SUGCT: variants seen among roughly 807,000 people sequenced by gnomAD.
SUGCT encodes the protein succinyl-CoA:glutarate CoA-transferase.
Under a neutral mutation model 55.0 loss-of-function variants are expected in SUGCT, and 41 were observed. The observed-to-expected ratio is 0.74, with a 90% CI of 0.58 to 0.97. The LOEUF is 0.97. Ranked by LOEUF, SUGCT falls within the 50% of genes least tolerant of loss-of-function variation. The pLI is 0.00. For missense variants in SUGCT, 568 were observed against 547.8 expected (o/e 1.04, Z -0.37); for synonymous variants, 187 against 200.4 (o/e 0.93, Z 0.56).
intron 12 of SUGCT, among the ~76,000 whole-genome samples, chr7:40,569,160 A>G (rs919220657): frequency 6.6e-6 from 1 of 152,180 alleles, no homozygotes; most frequent in Non-Finnish European, 1.5e-5. Context: ...TGCTTGAAAT[A>G]TGAATTAAGG....
chr7:40,843,020 G>A (rs1289775253), intron 13 of SUGCT, among the ~76,000 whole-genome samples: 1 of 152,176 alleles, frequency 6.6e-6, no homozygotes, highest in Non-Finnish European at 1.5e-5. Context: ...TGAATTCAAA[G>A]CTTGGTTAAA....
chr7:40,890,359 A>T, the SUGCT span, among the ~76,000 whole-genome samples: 3 of 144,760 alleles, frequency 2.1e-5, no homozygotes, highest in African/African-American at 7.5e-5. Context: ...ATATATTTAT[A>T]ATAATATAAA....
intron 9 of SUGCT, among the ~76,000 whole-genome samples, chr7:40,416,433 T>C (rs1259207695): frequency 6.6e-6 from 1 of 151,796 alleles, no homozygotes; most frequent in Non-Finnish European, 1.5e-5. Context: ...TATATATAAA[T>C]ACTATATTTA....
At chr7:40,498,953 T>C (rs2151524522) in intron 12 of SUGCT, 1 of 411,846 alleles carries the variant, frequency 2.4e-6, no homozygotes, top group South Asian at 1.8e-5. Flanking sequence ...TTTCTGATGA[T>C]TGAAAATCCT....
intron 12 of SUGCT, among the ~76,000 whole-genome samples, chr7:40,635,122 C>A (rs1256313189): frequency 6.6e-6 from 1 of 151,892 alleles, no homozygotes; most frequent in Non-Finnish European, 1.5e-5. Flanking sequence ...CCTGTCCCTA[C>A]TAAAAATACA....
At chr7:40,749,960 T>C (rs1355388113) in intron 13 of SUGCT, among the ~76,000 whole-genome samples, 1 of 150,950 alleles carries the variant, frequency 6.6e-6, no homozygotes, top group East Asian at 2.0e-4. Context: ...GGATCTTGGC[T>C]TTACAGAACA....
intron 7 of SUGCT, among the ~76,000 whole-genome samples, chr7:40,271,889 A>C (rs1002209078): frequency 5.3e-5 from 8 of 151,440 alleles, no homozygotes; most frequent in Non-Finnish European, 5.9e-5. Context: ...TCTTCATGAG[A>C]TCTACTTTGT....
At chr7:40,157,999 G>A (rs1584212623) in intron 1 of SUGCT, among the ~76,000 whole-genome samples, 2 of 151,904 alleles carry the variant, frequency 1.3e-5, no homozygotes, top group Non-Finnish European at 2.9e-5. Context: ...ACGAGGTCAA[G>A]AGTTCAAGAC....
chr7:40,938,090 T>G, the SUGCT span, among the ~76,000 whole-genome samples: 1 of 152,254 alleles, frequency 6.6e-6, no homozygotes, highest in Non-Finnish European at 1.5e-5. Flanking sequence ...CACCTCCTGC[T>G]GTGCAGCCAG....
chr7:40,948,704 G>A, the SUGCT span, among the ~76,000 whole-genome samples: 1 of 151,570 alleles, frequency 6.6e-6, no homozygotes, highest in Non-Finnish European at 1.5e-5. Context: ...AACATGCCGT[G>A]TTTGGTTTTC....
the SUGCT span, among the ~76,000 whole-genome samples, chr7:40,875,109 G>A: frequency 1.6e-3 from 249 of 152,226 alleles, 1 homozygote; most frequent in Admixed American, 4.1e-3. Flanking sequence ...CCTTTACTGC[G>A]CACATGTTTT....
intron 9 of SUGCT, among the ~76,000 whole-genome samples, chr7:40,421,161 C>G (rs1263005179): frequency 6.6e-6 from 1 of 152,168 alleles, no homozygotes; most frequent in Non-Finnish European, 1.5e-5. Context: ...ACTGTGACGG[C>G]TGCTTCTTAA....
intron 13 of SUGCT, among the ~76,000 whole-genome samples, chr7:40,854,744 C>G (rs1012873772): frequency 6.6e-6 from 1 of 151,820 alleles, no homozygotes; most frequent in African/African-American, 2.4e-5. Context: ...TGAGACCAGC[C>G]TGGGCAACAT....
chr7:40,248,265 C>A (rs1790048846), intron 7 of SUGCT, among the ~76,000 whole-genome samples: 1 of 152,100 alleles, frequency 6.6e-6, no homozygotes, highest in African/African-American at 2.4e-5. Context: ...CCCATCTGAG[C>A]CTCCCAAAGT....
chr7:40,766,735 A>G (rs1220317284), intron 13 of SUGCT, among the ~76,000 whole-genome samples: 1 of 152,198 alleles, frequency 6.6e-6, no homozygotes, highest in African/African-American at 2.4e-5. Flanking sequence ...CATATTTTTC[A>G]TATAAGCAAT....
chr7:40,581,887 A>G (rs142742284), intron 12 of SUGCT, among the ~76,000 whole-genome samples: 1 of 152,340 alleles, frequency 6.6e-6, no homozygotes, highest in East Asian at 1.9e-4. Flanking sequence ...GGCCTAAGAA[A>G]TTAAATAGAA....
chr7:40,838,605 T>G (rs1270537080), intron 13 of SUGCT, among the ~76,000 whole-genome samples: 1 of 151,490 alleles, frequency 6.6e-6, no homozygotes, highest in East Asian at 2.0e-4. Context: ...TTATCTTGTA[T>G]CCTAAGGCCT....
At chr7:40,322,349 A>G (rs1795801488) in intron 9 of SUGCT, among the ~76,000 whole-genome samples, 1 of 152,192 alleles carries the variant, frequency 6.6e-6, no homozygotes, top group South Asian at 2.1e-4. Flanking sequence ...TCTCTAGTGC[A>G]GGCACAGTCT....
intron 1 of SUGCT, among the ~76,000 whole-genome samples, chr7:40,171,495 C>A (rs1784670852): frequency 6.6e-6 from 1 of 152,154 alleles, no homozygotes; most frequent in African/African-American, 2.4e-5. Flanking sequence ...GATTTAAATC[C>A]CCTGTTAGGA....
Sources: allele counts gnomAD v4.1 joint callset (sites outside exome capture counted in the v4.1 genomes callset), GRCh38; gene constraint gnomAD v4.1.1; transcripts MANE v1.5; gene names NCBI Gene and HGNC (gene_info 2026-07-23, HGNC 2026-07-21).